The following HECTD4 variants were observed in gnomAD, a reference collection of about 807,000 sequenced individuals.
HECTD4 encodes probable E3 ubiquitin-protein ligase HECTD4.
In HECTD4, 114 loss-of-function variants were observed where a neutral mutation model predicts 471.5. The ratio of observed to expected loss-of-function variants is 0.24; its 90% confidence interval spans 0.21 to 0.28. The LOEUF is 0.28. HECTD4 is among the 10% of genes least tolerant of loss of function. The pLI is 1.00. For synonymous variants in HECTD4, 2,012 were observed against 2,256.0 expected (o/e 0.89, Z 3.07); for missense variants, 3,866 against 5,651.5 (o/e 0.68, Z 10.13).
At chr12:112,165,034 C>T (rs1283817475) in intron 72 of HECTD4, among the ~76,000 whole-genome samples, 2 of 150,998 alleles carry the variant, frequency 1.3e-5, no homozygotes, top group Admixed American at 6.6e-5. Flanking sequence ...CAATTCTCTG[C>T]CTCAGGCTCC....
intron 68 of HECTD4, 100 bp from the exon 69 acceptor site, chr12:112,170,552 GC>G (rs2031174667): frequency 3.4e-6 from 5 of 1,475,012 alleles, no homozygotes; most frequent in African/African-American, 1.4e-5. Flanking sequence ...GCACTCTCAG[GC>G]CCCCTGGTGG....
chr12:112,200,648 G>A lies in HECTD4; in HGVS notation c.8557C>T (p.Gln2853Ter). ...GLVTLDNTNL[Q>*]IHRELLRCEA... ...AGGGCCCAATTGTACCTGTGAATTT[G>A]AAGGTTGGTATTGTCCAGTGTGACC... is the stretch of plus-strand genomic sequence containing the variant. Residue 2853 changes from glutamine to a stop codon, truncating the protein, a stop_gained, in exon 55 of 76, where the codon CAA becomes TAA. Transcript: ENST00000682272. LOFTEE classifies it high-confidence loss of function. 6.2e-7 allele frequency: 1 copy of A among 1,610,330 alleles called. No homozygotes were observed. The highest frequency in any genetic ancestry group is 8.5e-7 in the Non-Finnish European group (1 of 1,177,662).
chr12:112,171,380 G>A, intron 67 of HECTD4, 117 bp from the exon 68 acceptor site: 2 of 1,478,270 alleles, frequency 1.4e-6, no homozygotes, highest in African/African-American at 2.8e-5. Context: ...TTTTACCTGG[G>A]ACCCTGGAGA....
chr12:112,273,287 A>G (rs1010380859), intron 11 of HECTD4, among the ~76,000 whole-genome samples: 11 of 152,228 alleles, frequency 7.2e-5, no homozygotes, highest in African/African-American at 2.7e-4. Context: ...TGGTAATTCT[A>G]TCTAAGTTTG....
rs370070964 is a variant in HECTD4, at chr12:112,235,706, C to T, written c.5523G>A (p.Pro1841=). The T allele has an allele frequency of 2.9e-5, 47 of 1,613,822 alleles. No homozygotes were observed. Among genetic ancestry groups the T allele is most frequent in the South Asian group, 9.9e-5 (9 of 91,076 alleles). The stretch of plus-strand genomic sequence containing the variant: ...GAATAATAAGGACTAGCTTTGGAGA[C>T]GGGCGTTGGTCAAGCAGCAGGGAGA... ...KLLSLLLDQR[P]SPKLVLIILQ... Residue 1841 remains proline, a synonymous_variant, in exon 36 of 76, where the codon CCG becomes CCA. Coordinates refer to ENST00000682272, the MANE Select transcript of HECTD4 (RefSeq NM_001388303.1). This position sits in a 1 kb window ranked among gnomAD's most constrained non-coding sequence, Gnocchi z 5.0.
At position 112,352,911 on chromosome 12, in the gene HECTD4, A is replaced by G. The variant is rs1413783352; in HGVS notation, c.177+29041T>C. ...CATGAGACACCACAACCAGCCCAAC[A>G]TAAGTGTTTTAAAATAAGACAACCA... On this transcript the variant is annotated intron_variant, in intron 1 of 75. Coordinates refer to ENST00000682272, the MANE Select transcript of HECTD4 (RefSeq NM_001388303.1). Among the ~76,000 whole-genome samples, 3 of 152,206 alleles carry G rather than the reference A, an allele frequency of 2.0e-5. No individual in the cohort carries two copies. The East Asian group carries it at 5.8e-4, about 29-fold the overall frequency.
At chr12:112,321,200 A>G (rs924334196) in intron 1 of HECTD4, among the ~76,000 whole-genome samples, 2 of 152,126 alleles carry the variant, frequency 1.3e-5, no homozygotes, top group East Asian at 1.9e-4. Flanking sequence ...CATGGTAGAG[A>G]TTTATCCAAT....
intron 7 of HECTD4, among the ~76,000 whole-genome samples, chr12:112,303,541 T>C (rs2035207774): frequency 6.6e-6 from 1 of 152,150 alleles, no homozygotes; most frequent in African/African-American, 2.4e-5. Context: ...ATCAATATGC[T>C]AGGCGGAATC....
chr12:112,161,557 C>T lies in HECTD4; in HGVS notation c.*830G>A, dbSNP rs762977364. On this transcript the variant is annotated 3_prime_UTR_variant, in exon 76 of 76. Coordinates refer to ENST00000682272, the MANE Select transcript of HECTD4 (RefSeq NM_001388303.1). ...CTTGAATCATGTGCTTTCCTCTCAA[C>T]CAGAGTCTCGGAGGAGGCCCCCACC... 1.3e-5 allele frequency: 2 copies of T among 152,546 alleles called. No homozygotes were observed. Among genetic ancestry groups the T allele is most frequent in the East Asian group, 3.8e-4 (2 of 5,196 alleles). 9.4% of individuals were successfully genotyped at this position (152,546 alleles called of 1,614,324 possible).
chr12:112,367,745 C>T (rs911655982), intron 1 of HECTD4, among the ~76,000 whole-genome samples: 3 of 137,226 alleles, frequency 2.2e-5, no homozygotes, highest in Admixed American at 8.3e-5. Flanking sequence ...CGCTTGAACC[C>T]GGGAGGCAGA....
At position 112,381,815 on chromosome 12, in the gene HECTD4, C is replaced by A; in HGVS notation, c.177+137G>T. The A allele has an allele frequency of 2.0e-6, 1 of 491,650 alleles. No individual in the cohort carries two copies. The highest frequency in any genetic ancestry group is 4.7e-5 in the Admixed American group (1 of 21,296). 30.5% of individuals were successfully genotyped at this position (491,650 alleles called of 1,614,324 possible). A position where few individuals can be genotyped will look rare whatever the true frequency, so the allele number is the denominator to read the frequency against. On this transcript the variant is annotated intron_variant, in intron 1 of 75. Transcript: ENST00000682272. The surrounding 1 kb of genome is among the most constrained non-coding windows in gnomAD (Gnocchi z 4.1). ...ACCTGCGGCCGCGGCCCCACCTGCC[C>A]GCCCCGCGCCCACACACACCTGCCC...
At chr12:112,200,884 CGT>C (rs3835014) in intron 54 of HECTD4, 86 bp from the exon 55 acceptor site, 332,114 of 687,326 alleles carry the variant, frequency 0.48, 47,014 homozygotes, top group Non-Finnish European at 0.51. Flanking sequence ...TGCGTGCGTG[CGT>C]GTGTGTGTGT....
In HECTD4 at chr12:112,344,545, G is replaced by A. The variant is rs576103975; in HGVS notation, c.178-24803C>T. On this transcript the variant is annotated intron_variant, in intron 1 of 75. Coordinates refer to ENST00000682272, the MANE Select transcript of HECTD4 (RefSeq NM_001388303.1). Reference sequence around the variant, plus strand: ...GGCACATAAGTATGAATACAGAAGAGGATAGACTGGGGGGAAGATGGCAGT... The same window carrying A: ...GGCACATAAGTATGAATACAGAAGAAGATAGACTGGGGGGAAGATGGCAGT... Among the ~76,000 whole-genome samples, 5 of 152,328 alleles carry A rather than the reference G, an allele frequency of 3.3e-5. No individual in the cohort carries two copies. In the East Asian group the frequency reaches 9.6e-4, roughly 29 times the overall value.
chr12:112,193,285 C>G lies in HECTD4; in HGVS notation c.8956-94G>C. ...CACATGGCCCAGGAAATCAGCCAAA[C>G]GACTAAATAGCCCTCTGGAAGGAAG... On this transcript the variant is annotated intron_variant, in intron 57 of 75. Transcript: ENST00000682272. The surrounding 1 kb of genome is among the most constrained non-coding windows in gnomAD (Gnocchi z 5.2). 1.3e-6 allele frequency: 2 copies of G among 1,490,988 alleles called. No individual in the cohort carries two copies. The highest frequency in any genetic ancestry group is 2.5e-5 in the South Asian group (2 of 81,412). 92.4% of individuals were successfully genotyped at this position (1,490,988 alleles called of 1,614,324 possible).
In HECTD4 at chr12:112,190,853, T is replaced by A. The variant is rs1410867761; in HGVS notation, c.9405A>T (p.Glu3135Asp). The A allele has an allele frequency of 6.3e-7, 1 of 1,584,636 alleles. No individual in the cohort carries two copies. Among genetic ancestry groups the A allele is most frequent in the African/African-American group, 1.3e-5 (1 of 74,288 alleles). ...QLLSWKSEDSEGKSEDEPDTI... is the reference protein window; with the variant it reads ...QLLSWKSEDSDGKSEDEPDTI... Reference sequence around the variant, plus strand: ...TGTCAGGCTCATCTTCGGACTTCCCTTCACTGTCCTCTGATTTCCAGGACA... The same window carrying A: ...TGTCAGGCTCATCTTCGGACTTCCCATCACTGTCCTCTGATTTCCAGGACA... The change falls in exon 60 of 76, where the codon GAA (glutamate) becomes GAT (aspartate). Residue 3135 changes from glutamate to aspartate, a missense_variant. Glu to Asp is a conservative substitution (Grantham distance 45, BLOSUM62 2). Around this residue, in one of 16 missense-constraint regions of HECTD4, gnomAD observed 364 missense variants for 413.2 expected, o/e 0.88. Coordinates refer to ENST00000682272, the MANE Select transcript of HECTD4 (RefSeq NM_001388303.1).
chr12:112,209,871 G>A (rs947212131), intron 50 of HECTD4, 144 bp downstream of exon 50: 8 of 668,712 alleles, frequency 1.2e-5, no homozygotes, highest in African/African-American at 1.1e-4. Flanking sequence ...CTTTCACCAG[G>A]CCTGTGACCC....
chr12:112,191,840 G>A (rs2032089656), intron 59 of HECTD4, among the ~76,000 whole-genome samples: 1 of 152,222 alleles, frequency 6.6e-6, no homozygotes, highest in South Asian at 2.1e-4. Context: ...CTCAAGGACT[G>A]GGGTGTGGAG....
chr12:112,288,672 G>C (rs1276175581), intron 7 of HECTD4, among the ~76,000 whole-genome samples: 3 of 152,258 alleles, frequency 2.0e-5, no homozygotes, highest in East Asian at 3.9e-4. Context: ...ATATCCACTT[G>C]TCCTCTTGAA....
Position 112,324,080 on chromosome 12 carries a change from TTCTTTCTTTCTTTCTTTCTTTCCTCTC to T in HECTD4, c.178-4365_178-4339del, listed in dbSNP as rs1566112204. On this transcript the variant is annotated intron_variant, in intron 1 of 75. Transcript: ENST00000682272. ...TTTCTTTCTTTCTTTCTTTCTTTCTTTCTTTCTTTCTTTCTTTCTTTCCTCTCTCTCTTTCTTTCTTTTTTTTATTTT... is the reference window on the plus strand; with the variant it reads ...TTTCTTTCTTTCTTTCTTTCTTTCTTTCTCTTTCTTTCTTTTTTTTATTTT... Among the ~76,000 whole-genome samples, 3 of 95,492 alleles carry T rather than the reference TTCTTTCTTTCTTTCTTTCTTTCCTCTC, an allele frequency of 3.1e-5. 1 individual carries two copies. The highest frequency in any genetic ancestry group is 1.2e-3 in the East Asian group (2 of 1,710). The allele number at this position is 95,492 out of a possible 152,430, so 62.6% of individuals were successfully genotyped here. A position where few individuals can be genotyped will look rare whatever the true frequency, so the allele number is the denominator to read the frequency against.
Sources: gnomAD v4.1 joint callset for allele counts (sites outside exome capture counted in the v4.1 genomes callset) on GRCh38, gnomAD v4.1.1 for gene constraint, gnomAD v4.1.1 regional missense constraint, Gnocchi (gnomAD v3.1) non-coding constraint, MANE v1.5 for transcripts, NCBI Gene and HGNC (gene_info 2026-07-23, HGNC 2026-07-21) for gene names.